The following MAP3K13 variants were observed in gnomAD, a reference collection of about 807,000 sequenced individuals.
The protein encoded by MAP3K13 is leucine zipper-bearing kinase.
In MAP3K13, 52 loss-of-function variants were observed where a neutral mutation model predicts 104.0. That is an observed-to-expected ratio of 0.50 (90% CI 0.40 to 0.63). The LOEUF is 0.63. MAP3K13 is among the 20% of genes least tolerant of loss of function. The probability of loss-of-function intolerance (pLI) is 0.00; values close to 1 mark genes in which losing one functional copy is unlikely to be tolerated. For synonymous variants in MAP3K13, 394 were observed against 442.2 expected, an observed-to-expected ratio of 0.89 and a Z score of 1.37; for missense variants, 914 against 1,218.5, an observed-to-expected ratio of 0.75 and a Z score of 3.72.
At chr3:185,464,826 G>C (rs1275340493) in intron 8 of MAP3K13, among the ~76,000 whole-genome samples, 1 of 152,144 alleles carries the variant, frequency 6.6e-6, no homozygotes, top group African/African-American at 2.4e-5. Context: ...AGCAGATTCA[G>C]TGTCTGGTGA....
intron 1 of MAP3K13, among the ~76,000 whole-genome samples, chr3:185,409,738 C>T (rs867520596): frequency 1.3e-5 from 2 of 151,972 alleles, no homozygotes; most frequent in African/African-American, 4.8e-5. Flanking sequence ...AACCCATGTC[C>T]GACAATAGAA....
intron 1 of MAP3K13, among the ~76,000 whole-genome samples, chr3:185,425,631 G>A (rs545512386): frequency 2.5e-4 from 38 of 152,192 alleles, no homozygotes; most frequent in African/African-American, 7.9e-4. Flanking sequence ...ATTCCTTAAT[G>A]GCTCTCTGTT....
chr3:185,310,745 T>C (rs1053196261), intron 2 of MAP3K13, among the ~76,000 whole-genome samples: 19 of 152,244 alleles, frequency 1.2e-4, no homozygotes, highest in Non-Finnish European at 2.4e-4. Flanking sequence ...AAAAAAGATA[T>C]ATGAGAAAGA....
At chr3:185,420,870 T>G (rs1189846097) in intron 1 of MAP3K13, among the ~76,000 whole-genome samples, 1 of 152,224 alleles carries the variant, frequency 6.6e-6, no homozygotes, top group Non-Finnish European at 1.5e-5. Flanking sequence ...CTCTCTACAT[T>G]GCATCCTGGG....
intron 12 of MAP3K13, 44 bp downstream of exon 12, chr3:185,477,440 A>G (rs570640959): frequency 7.5e-6 from 11 of 1,461,204 alleles, no homozygotes; most frequent in South Asian, 2.3e-5. Flanking sequence ...TGGAATGGGG[A>G]AAAAAAATCC....
chr3:185,346,102 A>C (rs1336025448), intron 2 of MAP3K13, among the ~76,000 whole-genome samples: 1 of 152,194 alleles, frequency 6.6e-6, no homozygotes, highest in Non-Finnish European at 1.5e-5. Flanking sequence ...GTGTTATACA[A>C]GAGATCTCCT....
chr3:185,323,333 C>CTTTTT (rs869206853), intron 2 of MAP3K13, among the ~76,000 whole-genome samples: 4 of 134,320 alleles, frequency 3.0e-5, no homozygotes, highest in Non-Finnish European at 6.4e-5. Context: ...TTTGGCATAC[C>CTTTTT]TTTTTTTTTT....
intron 2 of MAP3K13, among the ~76,000 whole-genome samples, chr3:185,304,268 C>T (rs181439545): frequency 6.6e-6 from 1 of 152,288 alleles, no homozygotes; most frequent in African/African-American, 2.4e-5. Flanking sequence ...TCCATATGCC[C>T]TTGAGAAGAA....
intron 12 of MAP3K13, 144 bp downstream of exon 12, chr3:185,477,540 T>C: frequency 3.1e-6 from 2 of 646,692 alleles, no homozygotes; most frequent in Non-Finnish European, 5.5e-6. Flanking sequence ...CATGTTTTCC[T>C]GTTGCTACAT....
chr3:185,301,914 T>C (rs1721122155), intron 2 of MAP3K13, among the ~76,000 whole-genome samples: 1 of 152,208 alleles, frequency 6.6e-6, no homozygotes, highest in African/African-American at 2.4e-5. Flanking sequence ...GCCTTCAGCT[T>C]TTTCTTCTTT....
At chr3:185,366,110 A>AC (rs1409836149) in intron 1 of MAP3K13, among the ~76,000 whole-genome samples, 3 of 149,460 alleles carry the variant, frequency 2.0e-5, no homozygotes, top group East Asian at 2.0e-4. Flanking sequence ...ATTTCTCTTC[A>AC]CCCCCCAGCC....
At chr3:185,285,517 T>A (rs1003788655) in intron 1 of MAP3K13, 14 of 1,075,560 alleles carry the variant, frequency 1.3e-5, no homozygotes, top group Middle Eastern at 2.3e-4. Flanking sequence ...AGGTTTTTAG[T>A]TTTGCAGAAC....
intron 1 of MAP3K13, among the ~76,000 whole-genome samples, chr3:185,375,968 T>A (rs1245110883): frequency 6.6e-6 from 1 of 152,170 alleles, no homozygotes; most frequent in Non-Finnish European, 1.5e-5. Flanking sequence ...CAGTTTGGCT[T>A]GCTGAGAGGT....
At chr3:185,373,823 A>AT (rs148364519) in intron 1 of MAP3K13, among the ~76,000 whole-genome samples, 451 of 113,316 alleles carry the variant, frequency 4.0e-3, no homozygotes, top group African/African-American at 0.011. Context: ...AGTGAAAAGG[A>AT]TTTTTTTTTT....
rs561275596 is a variant in MAP3K13 at position 185,322,921 on chromosome 3, G to A, written c.-86+37278G>A. ...TATCTTTACCCTAATGTAGGCCCTC[G>A]TCACCTCATGCCAAGATTACTTCCA... On this transcript the variant is annotated intron_variant, in intron 2 of 14. Coordinates refer to the MAP3K13 transcript ENST00000424227. Among the ~76,000 whole-genome samples, 19 of 151,852 alleles carry A rather than the reference G, an allele frequency of 1.3e-4. No individual in the cohort carries two copies. In the South Asian group the frequency reaches 3.5e-3, roughly 28 times the overall value.
chr3:185,441,911 G>A (rs1008356163), intron 3 of MAP3K13, among the ~76,000 whole-genome samples: 4 of 151,816 alleles, frequency 2.6e-5, no homozygotes, highest in Non-Finnish European at 5.9e-5. Flanking sequence ...TGTGGTGGTG[G>A]GCACCTGTAG....
In MAP3K13 at chr3:185,315,861, T is replaced by C. The variant is rs1721652602; in HGVS notation, c.-86+30218T>C. ...TATTAATATTTTTGGTTAAGATACATCAAAACTAACCACAGAAAAGTGAGA... is the reference window on the plus strand; with the variant it reads ...TATTAATATTTTTGGTTAAGATACACCAAAACTAACCACAGAAAAGTGAGA... On this transcript the variant is annotated intron_variant, in intron 2 of 14. Coordinates refer to the MAP3K13 transcript ENST00000424227. The surrounding 1 kb of genome is among the most constrained non-coding windows in gnomAD (Gnocchi z 4.3). Among the ~76,000 whole-genome samples, 1 of 152,102 alleles carries C rather than the reference T, an allele frequency of 6.6e-6. No homozygotes were observed. Among genetic ancestry groups the C allele is most frequent in the South Asian group, 2.1e-4 (1 of 4,822 alleles).
intron 1 of MAP3K13, among the ~76,000 whole-genome samples, chr3:185,384,744 G>A (rs1262120044): frequency 4.6e-5 from 7 of 152,104 alleles, no homozygotes; most frequent in Admixed American, 2.0e-4. Context: ...TGCTATTTAA[G>A]TCTTCTTTTG....
chr3:185,362,943 ACACACACACACACG>A (rs1168940199), upstream of MAP3K13: 299 of 124,096 alleles, frequency 2.4e-3, 14 homozygotes, highest in Middle Eastern at 9.5e-3. Flanking sequence ...ACACACACAC[ACACACACACACACG>A]CACACACACA....
Sources: allele counts gnomAD v4.1 joint callset (sites outside exome capture counted in the v4.1 genomes callset), GRCh38; gene constraint gnomAD v4.1.1; non-coding constraint Gnocchi (gnomAD v3.1); transcripts MANE v1.5; gene names NCBI Gene and HGNC (gene_info 2026-07-23, HGNC 2026-07-21).